The following FNDC1 variants were observed in gnomAD, a reference collection of about 807,000 sequenced individuals.
The protein encoded by FNDC1 is fibronectin type III domain-containing protein 1.
A neutral mutation model predicts 168.0 loss-of-function variants in FNDC1; 96 were observed. That is an observed-to-expected ratio of 0.57 (90% CI 0.48 to 0.68). The LOEUF is 0.68. Among genes scored for constraint, FNDC1 ranks in the 30% least tolerant of loss-of-function variants. FNDC1 has a pLI of 0.00. For synonymous variants in FNDC1, 1,099 were observed against 1,025.9 expected (o/e 1.07, Z -1.36); for missense variants, 2,587 against 2,482.1 (o/e 1.04, Z -0.90).
At position 159,269,491 on chromosome 6, in the gene FNDC1, T is replaced by TCCATCCATGC. The variant is rs1562316045; in HGVS notation, c.5569+1565_5569+1566insCCATCCATGC. On this transcript the variant is annotated intron_variant, in intron 22 of 22. Transcript: ENST00000297267. ...CTATCTATCTATCTATCTATCTATCTATCTATCTATCCATCCATCCATGCA... is the reference window on the plus strand; with the variant it reads ...CTATCTATCTATCTATCTATCTATCTCCATCCATGCATCTATCTATCCATCCATCCATGCA... 2.0e-4 allele frequency among the ~76,000 whole-genome samples: 10 copies of TCCATCCATGC among 49,974 alleles called. 1 individual carries two copies. Among genetic ancestry groups the TCCATCCATGC allele is most frequent in the African/African-American group, 3.4e-4 (5 of 14,784 alleles). 32.8% of individuals were successfully genotyped at this position (49,974 alleles called of 152,430 possible). A position where few individuals can be genotyped will look rare whatever the true frequency, so the allele number is the denominator to read the frequency against.
In FNDC1 at chr6:159,271,685, T is replaced by C; in HGVS notation, c.*243T>C. 1 of 407,454 alleles carries C rather than the reference T, an allele frequency of 2.5e-6. No homozygotes were observed. The allele number at this position is 407,454 out of a possible 1,614,324, so 25.2% of individuals were successfully genotyped here. A position where few individuals can be genotyped will look rare whatever the true frequency, so the allele number is the denominator to read the frequency against. ...GCTTCTCTACTTTTTTTTGTTTGTT[T>C]GTAATAGCACATCCCAGAGACATCA... is the stretch of plus-strand genomic sequence containing the variant. On this transcript the variant is annotated 3_prime_UTR_variant, in exon 23 of 23. Coordinates refer to ENST00000297267, the MANE Select transcript of FNDC1 (RefSeq NM_032532.3).
intron 17 of FNDC1, among the ~76,000 whole-genome samples, 179 bp downstream of exon 17, chr6:159,251,711 G>C (rs1331302691): frequency 3.3e-5 from 5 of 152,174 alleles, no homozygotes. Flanking sequence ...GGCAACAATG[G>C]AAGCCTCATG....
chr6:159,249,490 T>C (rs566985347), intron 16 of FNDC1, among the ~76,000 whole-genome samples: 6 of 152,318 alleles, frequency 3.9e-5, no homozygotes, highest in Non-Finnish European at 8.8e-5. Flanking sequence ...GTGTTTTTAT[T>C]GTAGCCAGTT....
At chr6:159,225,817 C>T (rs917678406) in intron 8 of FNDC1, 95 bp downstream of exon 8, 9 of 1,111,658 alleles carry the variant, frequency 8.1e-6, no homozygotes, top group Middle Eastern at 2.1e-4. Context: ...TGACAAAGGC[C>T]AGCGTGGGCA....
chr6:159,181,096 C>A (rs142545343), intron 1 of FNDC1, among the ~76,000 whole-genome samples: 204 of 152,296 alleles, frequency 1.3e-3, no homozygotes, highest in African/African-American at 4.2e-3. Context: ...ACATTCCCAT[C>A]AACAATGTAA....
chr6:159,269,494 CTAT>C (rs1562316068), intron 22 of FNDC1, among the ~76,000 whole-genome samples: 111 of 130,100 alleles, frequency 8.5e-4, no homozygotes, highest in African/African-American at 2.0e-3. Flanking sequence ...ATCTATCTAT[CTAT>C]CTATCCATCC....
chr6:159,259,908 G>T (rs953673926), intron 18 of FNDC1, among the ~76,000 whole-genome samples: 2 of 152,216 alleles, frequency 1.3e-5, no homozygotes, highest in Non-Finnish European at 2.9e-5. Flanking sequence ...AAGTATCTCT[G>T]TTCTGAGGCC....
chr6:159,233,599 C>G lies in FNDC1; in HGVS notation c.3087C>G (p.Ser1029=), dbSNP rs771217959. 34 of 1,578,460 alleles carry G rather than the reference C, an allele frequency of 2.2e-5. No individual in the cohort carries two copies. The highest frequency in any genetic ancestry group is 2.9e-5 in the Non-Finnish European group (34 of 1,165,474). Residue 1029 remains serine, a synonymous_variant, in exon 11 of 23, where the codon TCC becomes TCG. Transcript: ENST00000297267. This position sits in a 1 kb window ranked among gnomAD's most constrained non-coding sequence, Gnocchi z 4.6. ...GCAGAGACGCGGGTCGGTCACCTTC[C>G]CAGCCCAGGCTCTCACTGACCCAGG... ...PQSRDAGRSP[S]QPRLSLTQAG...
intron 8 of FNDC1, among the ~76,000 whole-genome samples, chr6:159,226,162 A>C (rs1475115589): frequency 6.6e-6 from 1 of 152,196 alleles, no homozygotes; most frequent in Non-Finnish European, 1.5e-5. Flanking sequence ...TGTCTTTCAA[A>C]GTTTCATTAA....
rs555706864 is a variant in FNDC1 at position 159,233,539 on chromosome 6, C to T, written c.3027C>T (p.Pro1009=). The T allele has an allele frequency of 5.0e-6, 8 of 1,594,948 alleles. No homozygotes were observed. The highest frequency in any genetic ancestry group is 2.7e-5 in the African/African-American group (2 of 74,670). ...GRAPQQQPPP[P]VATSQHHPGP... ...CCCCACAACAGCAGCCCCCTCCTCC[C>T]GTCGCCACGTCCCAGCACCACCCGG... The change falls in exon 11 of 23, where the codon CCC becomes CCT. Residue 1009 remains proline (P), a synonymous_variant. Transcript: ENST00000297267. This position sits in a 1 kb window ranked among gnomAD's most constrained non-coding sequence, Gnocchi z 4.6.
intron 18 of FNDC1, among the ~76,000 whole-genome samples, chr6:159,257,655 G>A (rs1777403801): frequency 6.6e-6 from 1 of 152,098 alleles, no homozygotes; most frequent in Admixed American, 6.6e-5. Flanking sequence ...CTAGCTGTGG[G>A]CACCGAAAGG....
At chr6:159,224,799 T>C (rs2114980069) in intron 7 of FNDC1, among the ~76,000 whole-genome samples, 1 of 152,330 alleles carries the variant, frequency 6.6e-6, no homozygotes, top group East Asian at 1.9e-4. Context: ...ATCAAATGCT[T>C]TCTACTGCAA....
Position 159,215,132 on chromosome 6 carries a change from A to C in FNDC1, c.648A>C (p.Thr216=), listed in dbSNP as rs527850008. 2 of 1,613,786 alleles carry C rather than the reference A, an allele frequency of 1.2e-6. No homozygotes were observed. Among genetic ancestry groups the C allele is most frequent in the East Asian group, 4.5e-5 (2 of 44,880 alleles). ...TTCCACTGACAAGAGATGAACGGAC[A>C]CACGAAATTAAAAAGCTAGGTGAGT... ...NYVPLTRDER[T]HEIKKLASES... is the part of the protein sequence containing the mutation. The change falls in exon 5 of 23, where the codon ACA becomes ACC. Residue 216 remains threonine (T), a synonymous_variant. Coordinates refer to ENST00000297267, the MANE Select transcript of FNDC1 (RefSeq NM_032532.3).
At position 159,249,139 on chromosome 6, in the gene FNDC1, T is replaced by C. The variant is rs1583910501; in HGVS notation, c.4791T>C (p.Phe1597=). 1.2e-6 allele frequency: 2 copies of C among 1,611,206 alleles called. No individual in the cohort carries two copies. The change falls in exon 16 of 23, where the codon TTT becomes TTC. Residue 1597 remains phenylalanine (F), a synonymous_variant. Coordinates refer to ENST00000297267, the MANE Select transcript of FNDC1 (RefSeq NM_032532.3). The part of the protein sequence containing the change: ...VIPEEGAISS[F]PEEEFDLAGR... ...CAGAGGAAGGCGCCATCAGTTCCTT[T>C]CCTGAAGAAGAATTTGATCTGGCTG...
At chr6:159,221,814 A>C in intron 6 of FNDC1, 118 bp downstream of exon 6, 1 of 849,128 alleles carries the variant, frequency 1.2e-6, no homozygotes, top group Non-Finnish European at 1.9e-6. Flanking sequence ...AAAAGAAATA[A>C]CAGGGCAAAT....
At chr6:159,198,050 C>T (rs1782288596) in intron 2 of FNDC1, among the ~76,000 whole-genome samples, 1 of 152,208 alleles carries the variant, frequency 6.6e-6, no homozygotes, top group South Asian at 2.1e-4. Flanking sequence ...TACGTTATGC[C>T]TAGCCACGTC....
At chr6:159,253,564 GA>G (rs1777315927) in intron 17 of FNDC1, among the ~76,000 whole-genome samples, 1 of 152,162 alleles carries the variant, frequency 6.6e-6, no homozygotes, top group Non-Finnish European at 1.5e-5. Context: ...GAAACTCCTA[GA>G]ATTCCTGCCT....
chr6:159,268,541 T>C (rs1777637494), intron 22 of FNDC1, among the ~76,000 whole-genome samples: 2 of 152,130 alleles, frequency 1.3e-5, no homozygotes, highest in Admixed American at 1.3e-4. Context: ...AAAGAAACAA[T>C]CAATAGGATC....
rs1783191657 is a variant in FNDC1 at position 159,234,251 on chromosome 6, C to A, written c.3739C>A (p.Pro1247Thr). 3 of 1,592,100 alleles carry A rather than the reference C, an allele frequency of 1.9e-6. No individual in the cohort carries two copies. Among genetic ancestry groups the A allele is most frequent in the Non-Finnish European group, 2.6e-6 (3 of 1,169,332 alleles). The part of the protein sequence containing the change: ...LAPVKRPLPP[P>T]PGSSPRASHV... ...TCCTGTGAAGCGACCTCTCCCCCCA[C>A]CTCCAGGCAGCTCCCCCAGGGCCTC... is the stretch of plus-strand genomic sequence containing the variant. The change falls in exon 11 of 23, where the codon CCT becomes ACT. Residue 1247 changes from proline to threonine, a missense_variant. Transcript: ENST00000297267.
Sources: gnomAD v4.1 joint callset for allele counts (sites outside exome capture counted in the v4.1 genomes callset) on GRCh38, gnomAD v4.1.1 for gene constraint, Gnocchi (gnomAD v3.1) non-coding constraint, MANE v1.5 for transcripts, NCBI Gene and HGNC (gene_info 2026-07-23, HGNC 2026-07-21) for gene names.